Variants in FHAD1 observed in about 807,000 individuals in gnomAD.
FHAD1 encodes the protein forkhead associated phosphopeptide binding domain 1.
In FHAD1, 146 loss-of-function variants were observed where a neutral mutation model predicts 191.3. That is an observed-to-expected ratio of 0.76 (90% confidence interval 0.67 to 0.88). The LOEUF (loss-of-function observed/expected upper bound fraction) is 0.88, where lower values mean the gene tolerates loss of function less well. Ranked by LOEUF, FHAD1 falls within the 40% of genes least tolerant of loss-of-function variation. FHAD1 has a pLI of 0.00. For missense variants in FHAD1, 1,635 were observed against 1,785.8 expected (o/e 0.92, Z 1.52); for synonymous variants, 616 against 672.3 (o/e 0.92, Z 1.29).
intron 5 of FHAD1, among the ~76,000 whole-genome samples, chr1:15,299,219 G>GAAAAAAAA (rs796954256): frequency 8.4e-6 from 1 of 119,530 alleles, no homozygotes; most frequent in African/African-American, 3.7e-5. Flanking sequence ...AAAAAAAAAG[G>GAAAAAAAA]AAAAAAAAAA....
upstream of FHAD1, among the ~76,000 whole-genome samples, chr1:15,244,993 G>T (rs150562720): frequency 4.6e-5 from 7 of 152,204 alleles, no homozygotes; most frequent in Non-Finnish European, 1.5e-5. The surrounding 1 kb of genome is among the most constrained non-coding windows in gnomAD (Gnocchi z 5.1). Flanking sequence ...AGAAAGTAGC[G>T]CCTGCATGTG....
rs2102443679 is a variant in FHAD1, at chr1:15,350,201, A to G, written c.2454+1052A>G. On this transcript the variant is annotated intron_variant, in intron 19 of 33. Transcript: ENST00000688493. ...CCAGGCCCGGTTCTGGGTGCCACAG[A>G]CACCGCAGTGAGCAAGACAGACCAG... Among the ~76,000 whole-genome samples, 2 of 152,372 alleles carry G rather than the reference A, an allele frequency of 1.3e-5. 1 individual carries two copies. Among genetic ancestry groups the G allele is most frequent in the South Asian group, 4.1e-4 (2 of 4,826 alleles).
rs1267700303 is a variant in FHAD1 at position 15,365,950 on chromosome 1, G to C, written c.3154+17G>C. Reference sequence around the variant, plus strand: ...ATTTGAGAGGTTTGAACAATTTCTGGTGTCTCTTGACCTCCTGACCCACTC... The same window carrying C: ...ATTTGAGAGGTTTGAACAATTTCTGCTGTCTCTTGACCTCCTGACCCACTC... On this transcript the variant is annotated intron_variant, in intron 24 of 33. Coordinates refer to ENST00000688493, the MANE Select transcript of FHAD1 (RefSeq NM_001391957.1). 4 of 1,516,360 alleles carry C rather than the reference G, an allele frequency of 2.6e-6. No homozygotes were observed. The allele number at this position is 1,516,360 out of a possible 1,614,324, so 93.9% of individuals were successfully genotyped here.
chr1:15,391,530 C>G (rs1308085979), intron 33 of FHAD1, among the ~76,000 whole-genome samples: 1 of 152,202 alleles, frequency 6.6e-6, no homozygotes, highest in Non-Finnish European at 1.5e-5. Flanking sequence ...AAATCTTAAA[C>G]ATGTTGAATC....
In FHAD1 at chr1:15,386,830, C is replaced by CT. The variant is rs368531787; in HGVS notation, c.4189-1212dup. Among the ~76,000 whole-genome samples, 502 of 149,378 alleles carry CT rather than the reference C, an allele frequency of 3.4e-3. 5 individuals carry two copies. The highest frequency in any genetic ancestry group is 0.011 in the African/African-American group (453 of 40,010). ...CTCAATCGTGCTCTTTTCTCTTTTT[C>CT]TTTTTTTTTCCTTTCTTTCTTTTTT... On this transcript the variant is annotated intron_variant, in intron 31 of 33. Coordinates refer to ENST00000688493, the MANE Select transcript of FHAD1 (RefSeq NM_001391957.1).
At chr1:15,375,828 A>G in intron 28 of FHAD1, 98 bp downstream of exon 28, 1 of 1,324,944 alleles carries the variant, frequency 7.5e-7, no homozygotes, top group Middle Eastern at 1.9e-4. Context: ...CATACATGTC[A>G]GTGGTTTGGG....
chr1:15,322,943 C>T (rs1236099145), intron 10 of FHAD1, among the ~76,000 whole-genome samples: 4 of 152,032 alleles, frequency 2.6e-5, no homozygotes, highest in Admixed American at 6.6e-5. Context: ...AGAATCATGG[C>T]GGGAGGCGAA....
chr1:15,364,264 A>C lies in FHAD1; in HGVS notation c.3047+1538A>C, dbSNP rs112048880. 100 of 156,532 alleles carry C rather than the reference A, an allele frequency of 6.4e-4. 1 individual carries two copies. Among genetic ancestry groups the C allele is most frequent in the African/African-American group, 2.2e-3 (92 of 41,622 alleles). 9.7% of individuals were successfully genotyped at this position (156,532 alleles called of 1,614,324 possible). ...CAGTCTTTTTGTTTGTTTGTTTGAC[A>C]TGCAACCTGCCAGTGTTTTACTTTA... is the stretch of plus-strand genomic sequence containing the variant. On this transcript the variant is annotated intron_variant, in intron 23 of 33. Transcript: ENST00000688493.
At chr1:15,350,255 C>T (rs1025539477) in intron 19 of FHAD1, among the ~76,000 whole-genome samples, 2 of 152,232 alleles carry the variant, frequency 1.3e-5, no homozygotes, top group African/African-American at 2.4e-5. Flanking sequence ...TCCATCCTAG[C>T]GCAGGGGAGA....
downstream of FHAD1, among the ~76,000 whole-genome samples, chr1:15,398,495 A>G (rs571062179): frequency 6.6e-6 from 1 of 152,218 alleles, no homozygotes; most frequent in African/African-American, 2.4e-5. Flanking sequence ...CCTGCCTAAA[A>G]TCACACAGCT....
At position 15,375,548 on chromosome 1, in the gene FHAD1, A is replaced by G. The variant is rs147261335; in HGVS notation, c.3578-55A>G. The G allele has an allele frequency of 2.5e-5, 36 of 1,463,106 alleles. No individual in the cohort carries two copies. The African/African-American group carries it at 4.9e-4, about 20-fold the overall frequency. The allele number at this position is 1,463,106 out of a possible 1,614,324, so 90.6% of individuals were successfully genotyped here. A position where few individuals can be genotyped will look rare whatever the true frequency, so the allele number is the denominator to read the frequency against. Reference sequence around the variant, plus strand: ...TGTAAATAGTTGCTATGGTTATTACATGAAACAACTTCTTCCTGAGCCTTT... The same window carrying G: ...TGTAAATAGTTGCTATGGTTATTACGTGAAACAACTTCTTCCTGAGCCTTT... On this transcript the variant is annotated intron_variant, in intron 27 of 33. Coordinates refer to ENST00000688493, the MANE Select transcript of FHAD1 (RefSeq NM_001391957.1).
At chr1:15,236,852 T>C (rs557974394) in intron 1 of FHAD1, among the ~76,000 whole-genome samples, 2 of 152,316 alleles carry the variant, frequency 1.3e-5, no homozygotes, top group South Asian at 2.1e-4. Flanking sequence ...TCATCTTGAA[T>C]TGTAGTTCCC....
chr1:15,294,644 C>T (rs555702413), intron 4 of FHAD1, among the ~76,000 whole-genome samples: 5 of 152,266 alleles, frequency 3.3e-5, no homozygotes, highest in South Asian at 2.1e-4. Flanking sequence ...CTGCCTGCCT[C>T]GGCCTCCCAA....
chr1:15,347,276 G>A (rs1296101803), intron 18 of FHAD1, among the ~76,000 whole-genome samples: 1 of 152,188 alleles, frequency 6.6e-6, no homozygotes, highest in Non-Finnish European at 1.5e-5. Context: ...GAAGATTCTT[G>A]AATTTAGAGA....
rs542711632 is a variant in FHAD1, at chr1:15,316,569, G to A, written c.1260+102G>A. The A allele has an allele frequency of 1.8e-5, 17 of 931,952 alleles. No individual in the cohort carries two copies. In the South Asian group the frequency reaches 2.5e-4, roughly 14 times the overall value. The allele number at this position is 931,952 out of a possible 1,614,324, so 57.7% of individuals were successfully genotyped here. A position where few individuals can be genotyped will look rare whatever the true frequency, so the allele number is the denominator to read the frequency against. The stretch of plus-strand genomic sequence containing the variant: ...GGCCATCACTAAGCATGAAGCTCTG[G>A]GGCTCTGTGCTTGCTTGTTTAACAT... On this transcript the variant is annotated intron_variant, in intron 9 of 33. Coordinates refer to ENST00000688493, the MANE Select transcript of FHAD1 (RefSeq NM_001391957.1). This position sits in a 1 kb window ranked among gnomAD's most constrained non-coding sequence, Gnocchi z 4.3.
At chr1:15,386,330 C>T (rs1376950107) in intron 31 of FHAD1, among the ~76,000 whole-genome samples, 1 of 152,182 alleles carries the variant, frequency 6.6e-6, no homozygotes, top group Non-Finnish European at 1.5e-5. Flanking sequence ...CTGCAGACTC[C>T]GAGACTTTTT....
chr1:15,305,575 C>A (rs1435685817), intron 6 of FHAD1, among the ~76,000 whole-genome samples: 4 of 152,200 alleles, frequency 2.6e-5, no homozygotes, highest in African/African-American at 9.7e-5. Flanking sequence ...CCCACCAAAT[C>A]TCAACTTGAA....
At chr1:15,307,887 C>A (rs1316253849) in intron 6 of FHAD1, among the ~76,000 whole-genome samples, 2 of 152,122 alleles carry the variant, frequency 1.3e-5, no homozygotes, top group Non-Finnish European at 2.9e-5. Context: ...CCCGCCACCA[C>A]ACCCAGCTAA....
At chr1:15,332,030 T>A (rs1040298743) in intron 14 of FHAD1, among the ~76,000 whole-genome samples, 1 of 152,182 alleles carries the variant, frequency 6.6e-6, no homozygotes, top group African/African-American at 2.4e-5. Flanking sequence ...CCACAATGAA[T>A]AAGAATAGAG....
Sources: allele counts gnomAD v4.1 joint callset (sites outside exome capture counted in the v4.1 genomes callset), GRCh38; gene constraint gnomAD v4.1.1; non-coding constraint Gnocchi (gnomAD v3.1); transcripts MANE v1.5; gene names NCBI Gene and HGNC (gene_info 2026-07-23, HGNC 2026-07-21).